Variants in NBPF19 observed in about 807,000 individuals in gnomAD.
NBPF19 encodes NBPF family member NBPF19.
In NBPF19, 30 loss-of-function variants were observed where a neutral mutation model predicts 45.9. The observed-to-expected ratio is 0.65, with a 90% confidence interval of 0.49 to 0.89. The LOEUF (loss-of-function observed/expected upper bound fraction) is 0.89. Among genes scored for constraint, NBPF19 ranks in the 40% least tolerant of loss-of-function variants. The probability of loss-of-function intolerance (pLI) is 0.00; values close to 1 mark genes in which losing one functional copy is unlikely to be tolerated. For synonymous variants in NBPF19, 183 were observed against 181.2 expected (o/e 1.01, Z -0.08); for missense variants, 495 against 471.8 (o/e 1.05, Z -0.46).
chr1:149,488,106 G>A lies in NBPF19; in HGVS notation c.1134G>A (p.Leu378=). Residue 378 remains leucine, a synonymous_variant, in exon 10 of 94, where the codon CTG becomes CTA. Transcript: ENST00000651566. ...CAACTCCTTCAGGTTGTCTTGAACT[G>A]ACTGACTCATGCCAGCCCTACAGAA... ...CYSTPSGCLE[L]TDSCQPYRSA... 6.0e-6 allele frequency: 4 copies of A among 665,330 alleles called. No homozygotes were observed. Among genetic ancestry groups the A allele is most frequent in the Non-Finnish European group, 1.1e-5 (4 of 365,990 alleles). The allele number at this position is 665,330 out of a possible 1,614,324, so 41.2% of individuals were successfully genotyped here.
At chr1:149,487,734 C>T (rs1353580561) in intron 9 of NBPF19, among the ~76,000 whole-genome samples, 2 of 150,052 alleles carry the variant, frequency 1.3e-5, no homozygotes, top group African/African-American at 4.9e-5. Context: ...TCCTTTGACT[C>T]CCTCATCAGT....
intron 5 of NBPF19, 151 bp downstream of exon 5, chr1:149,480,365 G>T (rs1213165156): frequency 1.1e-5 from 10 of 893,784 alleles, no homozygotes; most frequent in Admixed American, 1.8e-5. Context: ...CACAGGGTGC[G>T]GTAGCTGTCA....
At chr1:149,487,686 C>T (rs2085653994) in intron 9 of NBPF19, among the ~76,000 whole-genome samples, 1 of 150,212 alleles carries the variant, frequency 6.7e-6, no homozygotes. Context: ...TTCATGATCA[C>T]TGTTCACTGT....
intron 3 of NBPF19, 96 bp from the exon 4 acceptor site, chr1:149,478,784 T>C: frequency 2.3e-6 from 3 of 1,298,670 alleles, no homozygotes; most frequent in Non-Finnish European, 3.4e-6. Flanking sequence ...CTTGGAGGTC[T>C]CCTTGAGGAC....
At chr1:149,554,062 A>G (rs2087124169) in intron 93 of NBPF19, among the ~76,000 whole-genome samples, 180 bp downstream of exon 93, 3 of 117,874 alleles carry the variant, frequency 2.5e-5, no homozygotes, top group East Asian at 4.9e-4. Context: ...TCCCCTTATC[A>G]TTTACTAGCG....
In NBPF19 at chr1:149,555,088, C is replaced by G; in HGVS notation, c.*350C>G. The G allele has an allele frequency of 2.8e-6, 1 of 352,956 alleles. No homozygotes were observed. The highest frequency in any genetic ancestry group is 5.3e-6 in the Non-Finnish European group (1 of 188,284). 21.9% of individuals were successfully genotyped at this position (352,956 alleles called of 1,614,324 possible). On this transcript the variant is annotated 3_prime_UTR_variant, in exon 94 of 94. Coordinates refer to ENST00000651566, the MANE Select transcript of NBPF19 (RefSeq NM_001351365.2). ...TATACCTGCTCAAGGTCAGTGTCATCTTTGTGTTTAGCTCATCCAAAGGTG... is the reference window on the plus strand; with the variant it reads ...TATACCTGCTCAAGGTCAGTGTCATGTTTGTGTTTAGCTCATCCAAAGGTG...
In NBPF19 at chr1:149,554,592, G is replaced by T. The variant is rs2087198504; in HGVS notation, c.11386G>T (p.Asp3796Tyr). ...TCCGTCAATGTACTTTGAACTACCT[G>T]ACTCATTCCAGCACTACAGAAGTGT... ...STPSMYFELP[D>Y]SFQHYRSVFY... The change falls in exon 94 of 94, where the codon GAC becomes TAC. Residue 3796 changes from aspartate to tyrosine, a missense_variant. By Grantham distance (160) the Asp-to-Tyr change is radical. This residue lies in a region of NBPF19 where 248 missense variants were observed against 95.4 expected (regional missense o/e 2.60). Coordinates refer to ENST00000651566, the MANE Select transcript of NBPF19 (RefSeq NM_001351365.2). The T allele has an allele frequency of 4.4e-6, 7 of 1,608,170 alleles. No individual in the cohort carries two copies. Among genetic ancestry groups the T allele is most frequent in the African/African-American group, 2.7e-5 (2 of 74,644 alleles).
In NBPF19 at chr1:149,554,766, A is replaced by T; in HGVS notation, c.*28A>T. 2 of 1,607,670 alleles carry T rather than the reference A, an allele frequency of 1.2e-6. No individual in the cohort carries two copies. Among genetic ancestry groups the T allele is most frequent in the South Asian group, 2.2e-5 (2 of 90,870 alleles). ...AGCCCTTACTAAGCCGAGAGATGTC[A>T]TTCCTGCAGGCAGGACCTATAGGCA... On this transcript the variant is annotated 3_prime_UTR_variant, in exon 94 of 94. Transcript: ENST00000651566.
chr1:149,478,774 C>A, intron 3 of NBPF19, 106 bp from the exon 4 acceptor site: 1 of 1,269,718 alleles, frequency 7.9e-7, no homozygotes, highest in South Asian at 1.2e-5. Flanking sequence ...TGACCTTCTG[C>A]TTGGAGGTCT....
At position 149,475,528 on chromosome 1, in the gene NBPF19, C is replaced by A. The variant is rs2084770014; in HGVS notation, c.-303C>A. The A allele has an allele frequency of 5.4e-6, 4 of 741,868 alleles. No homozygotes were observed. The highest frequency in any genetic ancestry group is 2.5e-5 in the Admixed American group (1 of 40,580). 46.0% of individuals were successfully genotyped at this position (741,868 alleles called of 1,614,324 possible). On this transcript the variant is annotated 5_prime_UTR_variant, in exon 1 of 94. Transcript: ENST00000651566. The stretch of plus-strand genomic sequence containing the variant: ...AAGGAATGATCCCCATTGGTGGTGA[C>A]CCTCAGGTGAAAGTAGGGTGCCTGT...
intron 7 of NBPF19, among the ~76,000 whole-genome samples, chr1:149,483,469 C>G (rs1454408260): frequency 9.7e-6 from 1 of 102,826 alleles, no homozygotes; most frequent in Non-Finnish European, 2.0e-5. Context: ...ACTGATGGGT[C>G]TTGACTCTTT....
intron 93 of NBPF19, 85 bp from the exon 94 acceptor site, chr1:149,554,410 T>G (rs2087177142): frequency 1.9e-6 from 3 of 1,606,870 alleles, no homozygotes. Flanking sequence ...TCTAACCACT[T>G]CCTTATGTGA....
Position 149,486,536 on chromosome 1 carries a change from C to T in NBPF19, c.988+243C>T, listed in dbSNP as rs1264798406. Among the ~76,000 whole-genome samples the T allele has an allele frequency of 3.9e-3, 587 of 151,496 alleles. 21 individuals carry two copies. Among genetic ancestry groups the T allele is most frequent in the African/African-American group, 0.013 (535 of 41,312 alleles). On this transcript the variant is annotated intron_variant, in intron 8 of 93. Transcript: ENST00000651566. ...CTGTGCCAACCTGGACTGACTGTCA[C>T]GACATTGAACTCAAGGCAGGTGTGG...
In NBPF19 at chr1:149,475,529, C is replaced by T; in HGVS notation, c.-302C>T. 3 of 757,634 alleles carry T rather than the reference C, an allele frequency of 4.0e-6. No individual in the cohort carries two copies. The South Asian group carries it at 5.2e-5, about 13-fold the overall frequency. 46.9% of individuals were successfully genotyped at this position (757,634 alleles called of 1,614,324 possible). On this transcript the variant is annotated 5_prime_UTR_variant, in exon 1 of 94. Coordinates refer to ENST00000651566, the MANE Select transcript of NBPF19 (RefSeq NM_001351365.2). Reference sequence around the variant, plus strand: ...AGGAATGATCCCCATTGGTGGTGACCCTCAGGTGAAAGTAGGGTGCCTGTG... The same window carrying T: ...AGGAATGATCCCCATTGGTGGTGACTCTCAGGTGAAAGTAGGGTGCCTGTG...
At chr1:149,483,722 C>T (rs2085345415) in intron 7 of NBPF19, among the ~76,000 whole-genome samples, 1 of 85,754 alleles carries the variant, frequency 1.2e-5, no homozygotes. Flanking sequence ...GTAAGGCAGG[C>T]CTGGTGGTGA....
chr1:149,488,433 G>C (rs2101620147), intron 10 of NBPF19, among the ~76,000 whole-genome samples: 1 of 139,428 alleles, frequency 7.2e-6, no homozygotes, highest in South Asian at 2.6e-4. Flanking sequence ...TCATGACGTT[G>C]GACCTGGGCA....
At position 149,556,310 on chromosome 1, in the gene NBPF19, T is replaced by C. The variant is rs2087247763; in HGVS notation, c.*1572T>C. 1 of 149,864 alleles carries C rather than the reference T, an allele frequency of 6.7e-6. No individual in the cohort carries two copies. Among genetic ancestry groups the C allele is most frequent in the Non-Finnish European group, 1.5e-5 (1 of 67,162 alleles). 9.3% of individuals were successfully genotyped at this position (149,864 alleles called of 1,614,324 possible). On this transcript the variant is annotated 3_prime_UTR_variant, in exon 94 of 94. Coordinates refer to ENST00000651566, the MANE Select transcript of NBPF19 (RefSeq NM_001351365.2). Reference sequence around the variant, plus strand: ...TCAGTGTTATAATATTTGATTATGCTGATTGGTTTTGGTGGGTACTGATGT... The same window carrying C: ...TCAGTGTTATAATATTTGATTATGCCGATTGGTTTTGGTGGGTACTGATGT...
Position 149,487,805 on chromosome 1 carries a change from G to GTGTT in NBPF19, c.1041-205_1041-204insTTGT, listed in dbSNP as rs1553710675. Among the ~76,000 whole-genome samples the GTGTT allele has an allele frequency of 2.6e-3, 381 of 148,350 alleles. 8 individuals carry two copies. The highest frequency in any genetic ancestry group is 8.4e-3 in the African/African-American group (339 of 40,532). On this transcript the variant is annotated intron_variant, in intron 9 of 93. Transcript: ENST00000651566. Reference sequence around the variant, plus strand: ...TGTGTGTGTGTGTGTGTGTGTGTGTGTGTGTGTGTGTGTGTGTGTCTTTCT... The same window carrying GTGTT: ...TGTGTGTGTGTGTGTGTGTGTGTGTGTGTTTGTGTGTGTGTGTGTGTGTCTTTCT...
intron 9 of NBPF19, among the ~76,000 whole-genome samples, 160 bp from the exon 10 acceptor site, chr1:149,487,853 C>A (rs1215905824): frequency 6.8e-6 from 1 of 146,124 alleles, no homozygotes; most frequent in African/African-American, 2.5e-5. Flanking sequence ...TCTACCTGGC[C>A]CTAGTCTATC....
Sources: gnomAD v4.1 joint callset for allele counts (sites outside exome capture counted in the v4.1 genomes callset) on GRCh38, gnomAD v4.1.1 for gene constraint, gnomAD v4.1.1 regional missense constraint, MANE v1.5 for transcripts, NCBI Gene and HGNC (gene_info 2026-07-23, HGNC 2026-07-21) for gene names.